Variants in DLGAP2 observed in about 807,000 individuals in gnomAD.
DLGAP2 encodes DLG associated protein 2.
Under a neutral mutation model 100.3 loss-of-function variants are expected in DLGAP2, and 26 were observed. That is an observed-to-expected ratio of 0.26 (90% CI 0.19 to 0.36). The LOEUF (loss-of-function observed/expected upper bound fraction) is 0.36. Ranked by LOEUF, DLGAP2 falls within the 10% of genes least tolerant of loss-of-function variation. The pLI, the probability that DLGAP2 is intolerant of heterozygous loss-of-function variation, is 1.00. For missense variants in DLGAP2, 1,858 were observed against 1,453.2 expected (o/e 1.28, Z -4.53); for synonymous variants, 886 against 630.1 (o/e 1.41, Z -6.08).
chr8:1,424,964 A>C (rs1247331840), intron 3 of DLGAP2, among the ~76,000 whole-genome samples: 1 of 152,216 alleles, frequency 6.6e-6, no homozygotes, highest in African/African-American at 2.4e-5. Flanking sequence ...ATGGCTGCAC[A>C]ACAATGAGAA....
intron 6 of DLGAP2, among the ~76,000 whole-genome samples, chr8:1,577,739 G>A (rs1389420521): frequency 6.6e-6 from 1 of 152,122 alleles, no homozygotes; most frequent in Non-Finnish European, 1.5e-5. Flanking sequence ...GGAGTGAGAG[G>A]AGCCTGCAGG....
intron 1 of DLGAP2, among the ~76,000 whole-genome samples, chr8:861,069 G>C (rs1797379295): frequency 6.6e-6 from 1 of 152,176 alleles, no homozygotes. Context: ...GAGGGGACAT[G>C]AGGAGAGGGA....
chr8:1,679,662 C>G (rs1430236029), intron 12 of DLGAP2, among the ~76,000 whole-genome samples: 4 of 152,226 alleles, frequency 2.6e-5, no homozygotes, highest in African/African-American at 9.6e-5. Flanking sequence ...CCGCCTTTCT[C>G]CCATCTGCCT....
chr8:1,472,941 A>AT (rs796479937), intron 3 of DLGAP2, among the ~76,000 whole-genome samples: 2,585 of 150,608 alleles, frequency 0.017, 91 homozygotes, highest in African/African-American at 0.06. Context: ...AATTCACACA[A>AT]TTTTTTTTTT....
chr8:1,077,747 C>G (rs928509880), intron 2 of DLGAP2, among the ~76,000 whole-genome samples: 2 of 152,230 alleles, frequency 1.3e-5, no homozygotes, highest in Non-Finnish European at 2.9e-5. Flanking sequence ...GATTAGCCCA[C>G]GCAGTGGTTA....
chr8:1,560,691 T>A (rs1412677542), intron 5 of DLGAP2, among the ~76,000 whole-genome samples: 2 of 152,394 alleles, frequency 1.3e-5, no homozygotes, highest in Non-Finnish European at 2.9e-5. Context: ...TCCCCAAAGT[T>A]GTGAATTCTT....
intron 3 of DLGAP2, among the ~76,000 whole-genome samples, chr8:1,475,451 G>C (rs1346981356): frequency 1.3e-5 from 2 of 152,152 alleles, no homozygotes; most frequent in East Asian, 1.9e-4. Context: ...AGCCCATAAT[G>C]GTGAGCAGGC....
intron 6 of DLGAP2, among the ~76,000 whole-genome samples, chr8:1,571,682 G>C (rs1434944081): frequency 3.0e-5 from 4 of 131,626 alleles, no homozygotes; most frequent in Non-Finnish European, 6.4e-5. Context: ...AACTGTGGGG[G>C]CATCTTCTGG....
chr8:1,387,994 G>C (rs1035452862), intron 3 of DLGAP2, among the ~76,000 whole-genome samples: 1 of 152,226 alleles, frequency 6.6e-6, no homozygotes, highest in African/African-American at 2.4e-5. Context: ...CAAACACGGT[G>C]GGCGCAGAGC....
At chr8:1,223,877 C>G (rs369587945) in intron 2 of DLGAP2, among the ~76,000 whole-genome samples, 5 of 152,174 alleles carry the variant, frequency 3.3e-5, no homozygotes, top group African/African-American at 7.2e-5. Context: ...ATGTTCTGTT[C>G]TCTAGCAAAC....
intron 3 of DLGAP2, among the ~76,000 whole-genome samples, chr8:1,412,556 G>A (rs935742290): frequency 7.2e-5 from 11 of 152,174 alleles, no homozygotes; most frequent in African/African-American, 2.4e-4. Context: ...GTAAGCCCCA[G>A]CCATTCCAGC....
chr8:1,208,829 G>A (rs1320206539), intron 2 of DLGAP2, among the ~76,000 whole-genome samples: 5 of 151,248 alleles, frequency 3.3e-5, no homozygotes, highest in Non-Finnish European at 7.4e-5. Flanking sequence ...CTGAGAATCA[G>A]ATCAAGAACT....
intron 8 of DLGAP2, among the ~76,000 whole-genome samples, chr8:1,652,774 A>C (rs1004195171): frequency 6.6e-5 from 10 of 152,226 alleles, no homozygotes; most frequent in Non-Finnish European, 1.5e-5. Flanking sequence ...ATAAAGAATA[A>C]CATGCGAGAC....
At chr8:1,104,337 A>G (rs1804683946) in intron 2 of DLGAP2, among the ~76,000 whole-genome samples, 1 of 151,888 alleles carries the variant, frequency 6.6e-6, no homozygotes, top group Admixed American at 6.6e-5. Context: ...TTACATCACC[A>G]AATAGTGGAG....
At chr8:1,559,974 C>G (rs1350498887) in intron 5 of DLGAP2, among the ~76,000 whole-genome samples, 1 of 152,220 alleles carries the variant, frequency 6.6e-6, no homozygotes, top group Non-Finnish European at 1.5e-5. Context: ...CGTGTCCCCT[C>G]CACACTGGCT....
chr8:1,160,952 G>C (rs62487487), intron 2 of DLGAP2, among the ~76,000 whole-genome samples: 3 of 152,100 alleles, frequency 2.0e-5, no homozygotes, highest in Admixed American at 2.0e-4. Flanking sequence ...CCCCATAGCT[G>C]TGGCAAAAAT....
intron 3 of DLGAP2, among the ~76,000 whole-genome samples, chr8:1,423,134 G>A (rs1051067281): frequency 6.6e-6 from 1 of 152,222 alleles, no homozygotes; most frequent in Non-Finnish European, 1.5e-5. Flanking sequence ...TTAAAATAAT[G>A]AATGAACCAC....
intron 1 of DLGAP2, among the ~76,000 whole-genome samples, chr8:770,822 C>T (rs922558356): frequency 1.1e-4 from 17 of 151,848 alleles, no homozygotes; most frequent in African/African-American, 4.1e-4. Flanking sequence ...CTTGATAAGA[C>T]ATGAATGACA....
chr8:875,963 T>C (rs1353464691), intron 1 of DLGAP2, among the ~76,000 whole-genome samples: 3 of 152,222 alleles, frequency 2.0e-5, no homozygotes, highest in Admixed American at 6.5e-5. Flanking sequence ...TTACATCTCT[T>C]AATGTTGCAA....
Sources: allele counts gnomAD v4.1 joint callset (sites outside exome capture counted in the v4.1 genomes callset), GRCh38; gene constraint gnomAD v4.1.1; transcripts MANE v1.5; gene names NCBI Gene and HGNC (gene_info 2026-07-23, HGNC 2026-07-21).